The following ANKS1B variants were observed in gnomAD, a reference collection of about 807,000 sequenced individuals.
The protein encoded by ANKS1B is ankyrin repeat and sterile alpha motif domain containing 1B.
A neutral mutation model predicts 148.3 loss-of-function variants in ANKS1B; 36 were observed. That is an observed-to-expected ratio of 0.24 (90% confidence interval 0.19 to 0.32). ANKS1B has a LOEUF of 0.32. Among genes scored for constraint, ANKS1B ranks in the 10% least tolerant of loss-of-function variants. The pLI is 1.00. For missense variants in ANKS1B, 1,157 were observed against 1,542.6 expected (o/e 0.75, Z 4.19); for synonymous variants, 542 against 560.8 (o/e 0.97, Z 0.47).
At chr12:99,727,149 G>A (rs1173975315) in intron 8 of ANKS1B, among the ~76,000 whole-genome samples, 1 of 152,026 alleles carries the variant, frequency 6.6e-6, no homozygotes. Context: ...GGGCAATCAG[G>A]CAAGAGAAAG....
intron 1 of ANKS1B, among the ~76,000 whole-genome samples, chr12:99,846,140 A>C (rs1213554030): frequency 6.6e-6 from 1 of 152,016 alleles, no homozygotes; most frequent in Non-Finnish European, 1.5e-5. Flanking sequence ...TTATCTCTTG[A>C]AAATGGCCTA....
intron 2 of ANKS1B, among the ~76,000 whole-genome samples, chr12:99,812,558 CAGAGAG>C (rs113030122): frequency 0.047 from 3,482 of 73,358 alleles, 57 homozygotes; most frequent in Middle Eastern, 0.1. Flanking sequence ...CACACACACA[CAGAGAG>C]AGAGAGAGAG....
rs573826947 is a variant in ANKS1B at position 98,796,509 on chromosome 12, C to G, written c.3342+2425G>C. On this transcript the variant is annotated intron_variant, in intron 22 of 26. Coordinates refer to ENST00000683438, the MANE Select transcript of ANKS1B (RefSeq NM_001352186.2). ...AAAATTAGCTGCAAGTTGAGATCTA[C>G]ATCATTTATAGTTGGTGAAAGTTCT... Among the ~76,000 whole-genome samples, 4 of 152,288 alleles carry G rather than the reference C, an allele frequency of 2.6e-5. No individual in the cohort carries two copies. In the South Asian group the frequency reaches 8.3e-4, roughly 32 times the overall value.
intron 22 of ANKS1B, among the ~76,000 whole-genome samples, chr12:98,785,774 C>G (rs2098788172): frequency 6.6e-6 from 1 of 152,194 alleles, no homozygotes; most frequent in Admixed American, 6.5e-5. Context: ...TATGACCTAT[C>G]TATCTGCATG....
At chr12:99,486,471 T>TGC (rs2096490713) in intron 10 of ANKS1B, among the ~76,000 whole-genome samples, 2 of 151,518 alleles carry the variant, frequency 1.3e-5, no homozygotes, top group South Asian at 4.1e-4. Flanking sequence ...TATTTATTTA[T>TGC]TTATTTATTT....
chr12:98,937,406 C>T (rs2099819804), intron 17 of ANKS1B, among the ~76,000 whole-genome samples: 1 of 151,824 alleles, frequency 6.6e-6, no homozygotes, highest in East Asian at 1.9e-4. Context: ...CCTCTGGGGA[C>T]CCTCCAGCTT....
At chr12:99,229,299 G>T (rs908667603) in intron 14 of ANKS1B, among the ~76,000 whole-genome samples, 3 of 151,698 alleles carry the variant, frequency 2.0e-5, no homozygotes, top group Non-Finnish European at 3.0e-5. Flanking sequence ...TTATCATCAG[G>T]AATTAGTGTA....
intron 17 of ANKS1B, among the ~76,000 whole-genome samples, chr12:98,970,110 G>C: frequency 6.6e-6 from 1 of 152,088 alleles, no homozygotes; most frequent in South Asian, 2.1e-4. Flanking sequence ...TTCTCTAATG[G>C]AGTTTTGCTT....
intron 11 of ANKS1B, among the ~76,000 whole-genome samples, chr12:99,424,264 G>A (rs533246288): frequency 6.6e-6 from 1 of 152,208 alleles, no homozygotes; most frequent in African/African-American, 2.4e-5. Context: ...TTTTATCTCA[G>A]TGGAGTCCAA....
chr12:99,920,620 A>C (rs1460235390), intron 1 of ANKS1B, among the ~76,000 whole-genome samples: 1 of 152,114 alleles, frequency 6.6e-6, no homozygotes, highest in Non-Finnish European at 1.5e-5. Flanking sequence ...CCCTGGCATC[A>C]AGCAGGGTAC....
intron 14 of ANKS1B, among the ~76,000 whole-genome samples, chr12:99,173,673 T>C (rs2078048442): frequency 6.6e-6 from 1 of 152,150 alleles, no homozygotes; most frequent in Admixed American, 6.6e-5. Flanking sequence ...ACCCAAAGTC[T>C]GGGGGTAGAA....
chr12:98,813,973 C>T (rs138451012), intron 19 of ANKS1B, among the ~76,000 whole-genome samples: 35 of 152,156 alleles, frequency 2.3e-4, no homozygotes, highest in East Asian at 2.1e-3. Context: ...CTCTGCCTCC[C>T]GGGTTCAAGT....
At chr12:98,793,416 A>G (rs573380669) in intron 22 of ANKS1B, among the ~76,000 whole-genome samples, 16 of 152,364 alleles carry the variant, frequency 1.1e-4, no homozygotes, top group African/African-American at 3.8e-4. Context: ...ACACGTCATG[A>G]CATTGGACTG....
At chr12:99,787,474 T>C (rs186321189) in intron 4 of ANKS1B, among the ~76,000 whole-genome samples, 1 of 152,278 alleles carries the variant, frequency 6.6e-6, no homozygotes, top group Admixed American at 6.5e-5. Context: ...TATGTCTTTA[T>C]TAGGAGACAT....
At position 99,984,275 on chromosome 12, in the gene ANKS1B, C is replaced by A. The variant is rs765152239; in HGVS notation, c.-38G>T. 46 of 1,583,282 alleles carry A rather than the reference C, an allele frequency of 2.9e-5. No homozygotes were observed. The highest frequency in any genetic ancestry group is 3.7e-5 in the Non-Finnish European group (43 of 1,163,904). On this transcript the variant is annotated 5_prime_UTR_variant, in exon 1 of 27. In the 5' UTR this introduces an upstream ATG that the reference lacks. Transcript: ENST00000683438. ...ACTCCCCCACAGAGTCCTTGCCCCC[C>A]TCGGGTCCTCCTCCCCACCCACCCC... is the stretch of plus-strand genomic sequence containing the variant.
chr12:98,938,854 C>T (rs926251061), intron 17 of ANKS1B, among the ~76,000 whole-genome samples: 2 of 152,120 alleles, frequency 1.3e-5, no homozygotes, highest in Non-Finnish European at 2.9e-5. Context: ...GGGGGTTGGG[C>T]AACGTGAAAA....
At chr12:99,206,935 T>G (rs2082741375) in intron 14 of ANKS1B, among the ~76,000 whole-genome samples, 1 of 152,168 alleles carries the variant, frequency 6.6e-6, no homozygotes, top group African/African-American at 2.4e-5. Context: ...AGCCTGACCT[T>G]TGATGAGTTT....
chr12:99,607,725 A>AT (rs1248575861), intron 9 of ANKS1B, among the ~76,000 whole-genome samples: 7 of 152,002 alleles, frequency 4.6e-5, no homozygotes, highest in Non-Finnish European at 1.0e-4. Flanking sequence ...GTTTCTAAAC[A>AT]TTTTTTTCTT....
At chr12:99,433,268 T>G (rs2095408985) in intron 11 of ANKS1B, among the ~76,000 whole-genome samples, 1 of 152,102 alleles carries the variant, frequency 6.6e-6, no homozygotes, top group Admixed American at 6.6e-5. Context: ...AATATTTATA[T>G]AAAAACTAAA....
Sources: gnomAD v4.1 joint callset for allele counts (sites outside exome capture counted in the v4.1 genomes callset) on GRCh38, gnomAD v4.1.1 for gene constraint, MANE v1.5 for transcripts, NCBI Gene and HGNC (gene_info 2026-07-23, HGNC 2026-07-21) for gene names.